Variants in PTPRM observed in about 807,000 individuals in gnomAD.
PTPRM encodes receptor-type tyrosine-protein phosphatase mu.
PTPRM carries 47 observed loss-of-function variants against 186.7 expected under a neutral mutation model. The observed-to-expected ratio is 0.25, with a 90% CI of 0.20 to 0.32. The LOEUF is 0.32. PTPRM is among the 10% of genes least tolerant of loss of function. The pLI, the probability that PTPRM is intolerant of heterozygous loss-of-function variation, is 1.00. For synonymous variants in PTPRM, 668 were observed against 674.9 expected (o/e 0.99, Z 0.16); for missense variants, 1,494 against 1,865.0 (o/e 0.80, Z 3.66).
intron 7 of PTPRM, among the ~76,000 whole-genome samples, chr18:7,996,457 G>A (rs895922591): frequency 2.6e-5 from 4 of 151,982 alleles, no homozygotes; most frequent in African/African-American, 9.7e-5. Flanking sequence ...ATAATTTGAA[G>A]CTTTTCCTCT....
chr18:7,907,897 T>G (rs985021202), intron 4 of PTPRM, among the ~76,000 whole-genome samples: 2 of 152,110 alleles, frequency 1.3e-5, no homozygotes, highest in Non-Finnish European at 1.5e-5. Flanking sequence ...TTCTTTTTTT[T>G]TTTTTAACTT....
At chr18:8,220,411 C>T (rs1405679956) in intron 14 of PTPRM, among the ~76,000 whole-genome samples, 1 of 152,204 alleles carries the variant, frequency 6.6e-6, no homozygotes, top group Non-Finnish European at 1.5e-5. Context: ...CTTTTCAACA[C>T]ACATACACAC....
At chr18:8,120,360 G>C (rs982833273) in intron 13 of PTPRM, among the ~76,000 whole-genome samples, 3 of 151,968 alleles carry the variant, frequency 2.0e-5, no homozygotes, top group African/African-American at 7.2e-5. Flanking sequence ...TCTGATTATA[G>C]TTTGAGTTCC....
chr18:8,238,037 C>T (rs918761963), intron 14 of PTPRM, among the ~76,000 whole-genome samples: 1 of 149,260 alleles, frequency 6.7e-6, no homozygotes, highest in Non-Finnish European at 1.5e-5. Flanking sequence ...ATTTATCCTG[C>T]TTGGTGTTCT....
At chr18:7,842,452 G>A (rs2046371150) in intron 2 of PTPRM, among the ~76,000 whole-genome samples, 1 of 152,136 alleles carries the variant, frequency 6.6e-6, no homozygotes, top group Non-Finnish European at 1.5e-5. Context: ...AGGTAGTGGT[G>A]CCTAGTTGTT....
At chr18:8,053,066 C>G (rs964413596) in intron 7 of PTPRM, among the ~76,000 whole-genome samples, 3 of 152,104 alleles carry the variant, frequency 2.0e-5, no homozygotes, top group Non-Finnish European at 2.9e-5. Context: ...TAATCAATAT[C>G]TCTCGTTTGT....
At chr18:8,251,047 G>A (rs1359172921) in intron 17 of PTPRM, among the ~76,000 whole-genome samples, 2 of 152,302 alleles carry the variant, frequency 1.3e-5, no homozygotes, top group South Asian at 2.1e-4. Flanking sequence ...ACTTGGTGGT[G>A]TTTAAATGCT....
At chr18:7,896,136 G>T (rs931654418) in intron 3 of PTPRM, among the ~76,000 whole-genome samples, 1 of 152,140 alleles carries the variant, frequency 6.6e-6, no homozygotes, top group Admixed American at 6.5e-5. Context: ...GCCCTCCTAT[G>T]GTTGGGAAGC....
At chr18:8,148,290 C>T (rs563083581) in intron 14 of PTPRM, among the ~76,000 whole-genome samples, 1 of 151,996 alleles carries the variant, frequency 6.6e-6, no homozygotes, top group East Asian at 1.9e-4. Flanking sequence ...GACCTTTTCT[C>T]GTTGGTAGGC....
intron 14 of PTPRM, among the ~76,000 whole-genome samples, chr18:8,213,844 G>A (rs907807211): frequency 6.6e-6 from 1 of 152,210 alleles, no homozygotes; most frequent in South Asian, 2.1e-4. Context: ...GCAAAGATAC[G>A]GAATCAGCCC....
chr18:8,335,760 G>A (rs141079310), intron 22 of PTPRM, among the ~76,000 whole-genome samples: 2 of 152,126 alleles, frequency 1.3e-5, no homozygotes, highest in African/African-American at 4.8e-5. Context: ...GGCAGCTCAC[G>A]CCTGTAATCC....
chr18:7,853,678 G>C lies in PTPRM; in HGVS notation c.197-34428G>C, dbSNP rs59605407. ...ATCTCCATTGATTAGAAGTGGTAGAGACATACTTGTGCCTTTGGAAAGGGG... is the reference window on the plus strand; with the variant it reads ...ATCTCCATTGATTAGAAGTGGTAGACACATACTTGTGCCTTTGGAAAGGGG... On this transcript the variant is annotated intron_variant, in intron 2 of 32. Coordinates refer to ENST00000580170, the MANE Select transcript of PTPRM (RefSeq NM_001105244.2). Among the ~76,000 whole-genome samples, 658 of 152,194 alleles carry C rather than the reference G, an allele frequency of 4.3e-3. 9 individuals carry two copies. The highest frequency in any genetic ancestry group is 0.015 in the African/African-American group (627 of 41,462).
intron 2 of PTPRM, among the ~76,000 whole-genome samples, chr18:7,818,464 C>A (rs139484138): frequency 4.9e-4 from 74 of 152,284 alleles, no homozygotes; most frequent in African/African-American, 1.7e-3. Flanking sequence ...TCACTTGCTC[C>A]CTGCGTGCCT....
chr18:7,695,750 G>C (rs2039829568), intron 1 of PTPRM, among the ~76,000 whole-genome samples: 1 of 152,200 alleles, frequency 6.6e-6, no homozygotes, highest in Non-Finnish European at 1.5e-5. Flanking sequence ...GCATATTAAG[G>C]TAGTTCGAGT....
intron 23 of PTPRM, among the ~76,000 whole-genome samples, chr18:8,352,659 T>TTG (rs2095541632): frequency 7.8e-6 from 1 of 128,636 alleles, no homozygotes; most frequent in South Asian, 2.6e-4. Context: ...TTTGGTTTTT[T>TTG]TTGTTTGTTT....
chr18:8,112,609 T>C (rs563000465), intron 11 of PTPRM, among the ~76,000 whole-genome samples: 5 of 152,346 alleles, frequency 3.3e-5, no homozygotes, highest in East Asian at 1.9e-4. Context: ...AAGGTTTTTT[T>C]CCAACAAAAC....
Position 7,639,534 on chromosome 18 carries a change from C to T in PTPRM, c.73+71643C>T, listed in dbSNP as rs373294090. ...CCTGAGTAGCTGGGATTACAGGCAC[C>T]TGCCACCACGCCTGGCTGATTTTTG... On this transcript the variant is annotated intron_variant, in intron 1 of 32. Coordinates refer to ENST00000580170, the MANE Select transcript of PTPRM (RefSeq NM_001105244.2). 5.5e-4 allele frequency among the ~76,000 whole-genome samples: 83 copies of T among 151,834 alleles called. 1 individual carries two copies. The highest frequency in any genetic ancestry group is 1.9e-3 in the African/African-American group (78 of 41,394).
At chr18:7,746,803 C>T (rs1263196693) in intron 1 of PTPRM, among the ~76,000 whole-genome samples, 1 of 152,192 alleles carries the variant, frequency 6.6e-6, no homozygotes, top group African/African-American at 2.4e-5. Flanking sequence ...AAGACGCTTC[C>T]TTTCCACATT....
At chr18:8,146,286 G>T (rs1225107213) in intron 14 of PTPRM, among the ~76,000 whole-genome samples, 1 of 152,064 alleles carries the variant, frequency 6.6e-6, no homozygotes, top group East Asian at 1.9e-4. Flanking sequence ...CTCCCAAAGT[G>T]CTGGGATTAC....
Sources: gnomAD v4.1 joint callset for allele counts (sites outside exome capture counted in the v4.1 genomes callset) on GRCh38, gnomAD v4.1.1 for gene constraint, MANE v1.5 for transcripts, NCBI Gene and HGNC (gene_info 2026-07-23, HGNC 2026-07-21) for gene names.